PCLO: variants seen among roughly 807,000 people sequenced by gnomAD.
PCLO encodes the protein protein piccolo.
Under a neutral mutation model 427.5 loss-of-function variants are expected in PCLO, and 82 were observed. The ratio of observed to expected loss-of-function variants is 0.19; its 90% CI spans 0.16 to 0.23. The LOEUF (loss-of-function observed/expected upper bound fraction) is 0.23. Ranked by LOEUF, PCLO falls within the 10% of genes least tolerant of loss-of-function variation. The pLI is 1.00. For missense variants in PCLO, 6,239 were observed against 6,115.9 expected (o/e 1.02, Z -0.67); for synonymous variants, 2,357 against 2,155.4 (o/e 1.09, Z -2.59).
chr7:83,112,473 A>G (rs1186735255), intron 3 of PCLO, among the ~76,000 whole-genome samples: 4 of 152,200 alleles, frequency 2.6e-5, no homozygotes, highest in South Asian at 2.1e-4. Flanking sequence ...TTTTTTAGAT[A>G]TACAAAAGAA....
At chr7:82,899,935 T>C (rs996362612) in intron 9 of PCLO, among the ~76,000 whole-genome samples, 7 of 151,620 alleles carry the variant, frequency 4.6e-5, no homozygotes, top group Non-Finnish European at 3.0e-5. Context: ...ATTTCCATTA[T>C]ACATCATGAA....
At chr7:82,899,360 G>T (rs1793985647) in intron 9 of PCLO, among the ~76,000 whole-genome samples, 1 of 151,384 alleles carries the variant, frequency 6.6e-6, no homozygotes, top group South Asian at 2.1e-4. Context: ...TCTGGCACTG[G>T]TTTAAAACTT....
intron 10 of PCLO, among the ~76,000 whole-genome samples, chr7:82,878,536 T>C (rs62461401): frequency 0.09 from 13,664 of 152,224 alleles, 692 homozygotes; most frequent in East Asian, 0.12. Context: ...ATCTGGAGAA[T>C]GGAAATGACC....
intron 22 of PCLO, among the ~76,000 whole-genome samples, chr7:82,766,290 G>A (rs1159740599): frequency 6.6e-6 from 1 of 151,942 alleles, no homozygotes; most frequent in East Asian, 1.9e-4. Flanking sequence ...GATAAAGTAG[G>A]GGAAATATGT....
At chr7:82,772,014 G>T (rs1210916321) in intron 22 of PCLO, among the ~76,000 whole-genome samples, 1 of 151,930 alleles carries the variant, frequency 6.6e-6, no homozygotes, top group Non-Finnish European at 1.5e-5. Flanking sequence ...TTCATTCATT[G>T]AACAACGCTT....
intron 3 of PCLO, among the ~76,000 whole-genome samples, chr7:83,057,233 CAG>C (rs1789403178): frequency 7.3e-6 from 1 of 136,678 alleles, no homozygotes; most frequent in Middle Eastern, 4.1e-3. Context: ...CTAGTAGAGA[CAG>C]GGGTCTCACC....
intron 6 of PCLO, among the ~76,000 whole-genome samples, chr7:82,946,054 C>T (rs1335833433): frequency 6.6e-6 from 1 of 152,142 alleles, no homozygotes; most frequent in African/African-American, 2.4e-5. Context: ...TAAGGGCTTG[C>T]TAGTAGCTAA....
chr7:83,048,921 G>T (rs1306685801), intron 3 of PCLO, among the ~76,000 whole-genome samples: 1 of 152,078 alleles, frequency 6.6e-6, no homozygotes, highest in South Asian at 2.1e-4. Flanking sequence ...GTATGATCAT[G>T]TATTTCTTAT....
chr7:83,104,611 CA>C (rs1461020961), intron 3 of PCLO, among the ~76,000 whole-genome samples: 1 of 151,694 alleles, frequency 6.6e-6, no homozygotes, highest in African/African-American at 2.4e-5. Context: ...CATAAGCAAT[CA>C]AAAAAAGCTG....
At chr7:83,107,860 A>G (rs6975381) in intron 3 of PCLO, among the ~76,000 whole-genome samples, 71,424 of 150,306 alleles carry the variant, frequency 0.48, 17,832 homozygotes, top group East Asian at 0.64. Flanking sequence ...ATGGTGGTGC[A>G]CACCTGTAGT....
Position 83,022,188 on chromosome 7 carries a change from A to T in PCLO, c.3301-55701T>A, listed in dbSNP as rs148658494. ...GGTCTCCTCCCCCATGAAAGGACAC[A>T]TAGAAGGTGCTGTCTATGAGGAATG... On this transcript the variant is annotated intron_variant, in intron 3 of 24. Transcript: ENST00000333891. Among the ~76,000 whole-genome samples the T allele has an allele frequency of 1.7e-4, 26 of 152,218 alleles. No homozygotes were observed. In the East Asian group the frequency reaches 4.7e-3, roughly 27 times the overall value.
intron 6 of PCLO, among the ~76,000 whole-genome samples, chr7:82,929,449 T>A (rs1794791077): frequency 6.6e-6 from 1 of 152,134 alleles, no homozygotes; most frequent in Non-Finnish European, 1.5e-5. Context: ...AAGTACAATG[T>A]GATTTATTTA....
chr7:82,937,626 C>T (rs1794987052), intron 6 of PCLO, among the ~76,000 whole-genome samples: 1 of 151,526 alleles, frequency 6.6e-6, no homozygotes, highest in Admixed American at 6.6e-5. Flanking sequence ...ATGCTCAATG[C>T]TAGGTAAATA....
chr7:82,849,671 T>C (rs1015056712), intron 10 of PCLO, among the ~76,000 whole-genome samples: 3 of 152,156 alleles, frequency 2.0e-5, no homozygotes, highest in Non-Finnish European at 4.4e-5. Context: ...CGAATATATA[T>C]GAAAAATATT....
At chr7:82,984,032 G>A (rs955777155) in intron 3 of PCLO, among the ~76,000 whole-genome samples, 3 of 151,870 alleles carry the variant, frequency 2.0e-5, no homozygotes, top group Non-Finnish European at 4.4e-5. Context: ...AATGCTGTTA[G>A]ATTCAAATCC....
chr7:83,152,769 A>G (rs1792170242), intron 2 of PCLO, among the ~76,000 whole-genome samples: 1 of 152,192 alleles, frequency 6.6e-6, no homozygotes, highest in African/African-American at 2.4e-5. Flanking sequence ...TTCTACTCTG[A>G]AGTCCATATT....
At chr7:83,057,106 T>C (rs374425456) in intron 3 of PCLO, among the ~76,000 whole-genome samples, 3 of 149,942 alleles carry the variant, frequency 2.0e-5, no homozygotes, top group African/African-American at 4.9e-5. Context: ...TTTTTTGAGA[T>C]GGAGACTCAC....
intron 3 of PCLO, among the ~76,000 whole-genome samples, chr7:83,082,911 T>C (rs764217321): frequency 6.6e-6 from 1 of 151,782 alleles, no homozygotes; most frequent in Non-Finnish European, 1.5e-5. Flanking sequence ...AAAAAAACTC[T>C]TACGTAAAAT....
At chr7:82,820,913 A>C in intron 20 of PCLO, 1 of 1,230,208 alleles carries the variant, frequency 8.1e-7, no homozygotes, top group Non-Finnish European at 1.0e-6. Flanking sequence ...GAAAAATACA[A>C]ATCACTGTAG....
Sources: allele counts gnomAD v4.1 joint callset (sites outside exome capture counted in the v4.1 genomes callset), GRCh38; gene constraint gnomAD v4.1.1; transcripts MANE v1.5; gene names NCBI Gene and HGNC (gene_info 2026-07-23, HGNC 2026-07-21).